ZFP36: variants seen among roughly 807,000 people sequenced by gnomAD.
ZFP36 encodes the protein mRNA decay activator protein ZFP36.
In ZFP36, 13 loss-of-function variants were observed where a neutral mutation model predicts 19.8. That is an observed-to-expected ratio of 0.66 (90% CI 0.43 to 1.04). The LOEUF is 1.04. ZFP36 is among the 50% of genes least tolerant of loss of function. ZFP36 has a pLI of 0.00. For missense variants in ZFP36, 354 were observed against 441.6 expected, an observed-to-expected ratio of 0.80 and a Z score of 1.78; for synonymous variants, 191 against 194.5, an observed-to-expected ratio of 0.98 and a Z score of 0.15.
Position 39,407,112 on chromosome 19 carries a change from GA to G in ZFP36, c.24+188del. 1 of 635,046 alleles carries G rather than the reference GA, an allele frequency of 1.6e-6. No individual in the cohort carries two copies. Among genetic ancestry groups the G allele is most frequent in the Middle Eastern group, 3.7e-4 (1 of 2,682 alleles). 39.3% of individuals were successfully genotyped at this position (635,046 alleles called of 1,614,324 possible). ...CAGACCAGCTTGGTGATTTGGAGGT[GA>G]AAATGGAACCCGCGACACCCGGCTC... On this transcript the variant is annotated intron_variant, in intron 1 of 1. Coordinates refer to ENST00000597629, the MANE Select transcript of ZFP36 (RefSeq NM_003407.5). The surrounding 1 kb of genome is among the most constrained non-coding windows in gnomAD (Gnocchi z 7.6).
rs1330171117 is a variant in ZFP36, at chr19:39,408,101, A to G, written c.383A>G (p.His128Arg). ...CRYGAKCQFA[H>R]GLGELRQANR... ...TACGGGGCCAAGTGCCAGTTTGCCCATGGCCTGGGCGAGCTGCGCCAGGCC... is the reference window on the plus strand; with the variant it reads ...TACGGGGCCAAGTGCCAGTTTGCCCGTGGCCTGGGCGAGCTGCGCCAGGCC... Residue 128 changes from histidine (H) to arginine (R), a missense_variant, in exon 2 of 2, where the codon CAT (histidine) becomes CGT (arginine). Coordinates refer to ENST00000597629, the MANE Select transcript of ZFP36 (RefSeq NM_003407.5). This position sits in a 1 kb window ranked among gnomAD's most constrained non-coding sequence, Gnocchi z 6.0. 1 of 1,613,946 alleles carries G rather than the reference A, an allele frequency of 6.2e-7. No individual in the cohort carries two copies. Among genetic ancestry groups the G allele is most frequent in the Non-Finnish European group, 8.5e-7 (1 of 1,180,028 alleles).
Position 39,407,900 on chromosome 19 carries a change from T to G in ZFP36, c.182T>G (p.Leu61Arg). 1 of 1,602,776 alleles carries G rather than the reference T, an allele frequency of 6.2e-7. No homozygotes were observed. Among genetic ancestry groups the G allele is most frequent in the African/African-American group, 1.3e-5 (1 of 75,000 alleles). ...TSRLPGRSTS[L>R]VEGRSCGWVP... ...CGCCTGCCTGGCCGCTCCACCAGCC[T>G]AGTGGAGGGCCGCAGCTGTGGCTGG... Residue 61 changes from leucine (L) to arginine (R), a missense_variant, in exon 2 of 2, where the codon CTA becomes CGA. Physicochemically the swap from Leu to Arg is moderately radical, Grantham distance 102. Transcript: ENST00000597629. The surrounding 1 kb of genome is among the most constrained non-coding windows in gnomAD (Gnocchi z 7.6).
At position 39,408,515 on chromosome 19, in the gene ZFP36, G is replaced by A. The variant is rs758546408; in HGVS notation, c.797G>A (p.Gly266Asp). 1 of 1,604,558 alleles carries A rather than the reference G, an allele frequency of 6.2e-7. No individual in the cohort carries two copies. Among genetic ancestry groups the A allele is most frequent in the East Asian group, 2.2e-5 (1 of 44,794 alleles). ...ATPISVWGPL[G>D]GLVRTPSVQS... Reference sequence around the variant, plus strand: ...CCTATCAGCGTCTGGGGGCCCTTGGGTGGCCTGGTTCGGACCCCCTCTGTA... The same window carrying A: ...CCTATCAGCGTCTGGGGGCCCTTGGATGGCCTGGTTCGGACCCCCTCTGTA... Residue 266 changes from glycine (G) to aspartate (D), a missense_variant, in exon 2 of 2, where the codon GGT (glycine) becomes GAT (aspartate). By Grantham distance (94) the Gly-to-Asp change is moderately conservative. Coordinates refer to ENST00000597629, the MANE Select transcript of ZFP36 (RefSeq NM_003407.5). This position sits in a 1 kb window ranked among gnomAD's most constrained non-coding sequence, Gnocchi z 6.0.
In ZFP36 at chr19:39,407,913, C is replaced by T. The variant is rs1490715237; in HGVS notation, c.195C>T (p.Arg65=). The change falls in exon 2 of 2, where the codon CGC becomes CGT. Residue 65 remains arginine (R), a synonymous_variant. Coordinates refer to ENST00000597629, the MANE Select transcript of ZFP36 (RefSeq NM_003407.5). The surrounding 1 kb of genome is among the most constrained non-coding windows in gnomAD (Gnocchi z 7.6). ...GCTCCACCAGCCTAGTGGAGGGCCGCAGCTGTGGCTGGGTGCCCCCACCCC... is the reference window on the plus strand; with the variant it reads ...GCTCCACCAGCCTAGTGGAGGGCCGTAGCTGTGGCTGGGTGCCCCCACCCC... The part of the protein sequence containing the change: ...PGRSTSLVEG[R]SCGWVPPPPG... 1.5e-5 allele frequency: 24 copies of T among 1,599,664 alleles called. No homozygotes were observed. The highest frequency in any genetic ancestry group is 2.0e-5 in the Non-Finnish European group (24 of 1,176,796).
Position 39,407,559 on chromosome 19 carries a change from C to T in ZFP36, c.25-184C>T, listed in dbSNP as rs2078483183. Reference sequence around the variant, plus strand: ...TCCTGGGTCCCTCGGGATAAGGCCTCGGTGGTGGGTAAACTCAGAACCTCC... The same window carrying T: ...TCCTGGGTCCCTCGGGATAAGGCCTTGGTGGTGGGTAAACTCAGAACCTCC... On this transcript the variant is annotated intron_variant, in intron 1 of 1. Transcript: ENST00000597629. The surrounding 1 kb of genome is among the most constrained non-coding windows in gnomAD (Gnocchi z 7.6). The T allele has an allele frequency of 3.5e-6, 2 of 567,786 alleles. No individual in the cohort carries two copies. Among genetic ancestry groups the T allele is most frequent in the African/African-American group, 3.8e-5 (2 of 52,310 alleles). The allele number at this position is 567,786 out of a possible 1,614,324, so 35.2% of individuals were successfully genotyped here.
In ZFP36 at chr19:39,408,254, C is replaced by T; in HGVS notation, c.536C>T (p.Pro179Leu). ...SEDLAAPGHP[P>L]VLRQSISFSG... is the part of the protein sequence containing the mutation. ...GACCTGGCGGCCCCGGGCCACCCTC[C>T]TGTGCTTCGCCAGAGCATCAGCTTC... Residue 179 changes from proline (P) to leucine (L), a missense_variant, in exon 2 of 2, where the codon CCT becomes CTT. Transcript: ENST00000597629. This position sits in a 1 kb window ranked among gnomAD's most constrained non-coding sequence, Gnocchi z 6.0. 6.2e-7 allele frequency: 1 copy of T among 1,613,734 alleles called. No individual in the cohort carries two copies.
Position 39,406,887 on chromosome 19 carries a change from A to G in ZFP36, c.-18A>G, listed in dbSNP as rs773203678. On this transcript the variant is annotated 5_prime_UTR_variant, in exon 1 of 2. It removes an upstream start codon present in the reference 5' UTR. Coordinates refer to ENST00000597629, the MANE Select transcript of ZFP36 (RefSeq NM_003407.5). ...CTCCCACTCTCGGCCGACACCCCTC[A>G]TGGCCAACCGTTACACCATGGATCT... 10 of 1,602,072 alleles carry G rather than the reference A, an allele frequency of 6.2e-6. No homozygotes were observed. In the Admixed American group the frequency reaches 1.4e-4, roughly 22 times the overall value.
In ZFP36 at chr19:39,408,369, C is replaced by G; in HGVS notation, c.651C>G (p.Ser217Arg). 6.2e-7 allele frequency: 1 copy of G among 1,613,742 alleles called. No individual in the cohort carries two copies. Among genetic ancestry groups the G allele is most frequent in the Non-Finnish European group, 8.5e-7 (1 of 1,179,942 alleles). ...CCTCCAGCTCCTTCTCGCCCTCCAG[C>G]TCCCCACCACCACCTGGGGACCTTC... ...SLSSSSFSPS[S>R]SPPPPGDLPL... is the part of the protein sequence containing the mutation. Residue 217 changes from serine to arginine, a missense_variant, in exon 2 of 2, where the codon AGC (serine) becomes AGG (arginine). Transcript: ENST00000597629. The surrounding 1 kb of genome is among the most constrained non-coding windows in gnomAD (Gnocchi z 6.0).
Position 39,406,891 on chromosome 19 carries a change from C to T in ZFP36, c.-14C>T. 6.2e-7 allele frequency: 1 copy of T among 1,608,898 alleles called. No homozygotes were observed. Among genetic ancestry groups the T allele is most frequent in the Non-Finnish European group, 8.5e-7 (1 of 1,178,374 alleles). ...CACTCTCGGCCGACACCCCTCATGG[C>T]CAACCGTTACACCATGGATCTGACT... On this transcript the variant is annotated 5_prime_UTR_variant, in exon 1 of 2. Transcript: ENST00000597629.
In ZFP36 at chr19:39,407,025, C is replaced by A; in HGVS notation, c.24+97C>A. 6.7e-7 allele frequency: 1 copy of A among 1,483,956 alleles called. No homozygotes were observed. The highest frequency in any genetic ancestry group is 9.1e-7 in the Non-Finnish European group (1 of 1,097,086). 91.9% of individuals were successfully genotyped at this position (1,483,956 alleles called of 1,614,324 possible). On this transcript the variant is annotated intron_variant, in intron 1 of 1. Coordinates refer to ENST00000597629, the MANE Select transcript of ZFP36 (RefSeq NM_003407.5). The surrounding 1 kb of genome is among the most constrained non-coding windows in gnomAD (Gnocchi z 7.6). ...AAACTCCAGCCCGGGACGCTTGCCTCCCTTCTCCAACTGGGGCTCCCTAGC... is the reference window on the plus strand; with the variant it reads ...AAACTCCAGCCCGGGACGCTTGCCTACCTTCTCCAACTGGGGCTCCCTAGC...
At position 39,407,785 on chromosome 19, in the gene ZFP36, C is replaced by T. The variant is rs148610079; in HGVS notation, c.67C>T (p.His23Tyr). The part of the protein sequence containing the change: ...LSPDVPVPSD[H>Y]GGTESSPGWG... ...CCCTGACGTGCCCGTGCCATCCGAC[C>T]ATGGAGGGACTGAGTCCAGCCCAGG... Residue 23 changes from histidine (H) to tyrosine (Y), a missense_variant, in exon 2 of 2, where the codon CAT (histidine) becomes TAT (tyrosine). By Grantham distance (83) the His-to-Tyr change is moderately conservative. Coordinates refer to ENST00000597629, the MANE Select transcript of ZFP36 (RefSeq NM_003407.5). This position sits in a 1 kb window ranked among gnomAD's most constrained non-coding sequence, Gnocchi z 7.6. The T allele has an allele frequency of 3.6e-5, 56 of 1,575,670 alleles. No individual in the cohort carries two copies. In the Middle Eastern group the frequency reaches 1.2e-3, roughly 34 times the overall value.
Position 39,407,607 on chromosome 19 carries a change from GA to G in ZFP36, c.25-134del. The G allele has an allele frequency of 1.3e-6, 1 of 768,088 alleles. No homozygotes were observed. The highest frequency in any genetic ancestry group is 2.0e-6 in the Non-Finnish European group (1 of 499,530). The allele number at this position is 768,088 out of a possible 1,614,324, so 47.6% of individuals were successfully genotyped here. A position where few individuals can be genotyped will look rare whatever the true frequency, so the allele number is the denominator to read the frequency against. ...TCCAACTCTGGGTTCCTGGCATCCGGAACCCAGGGGTTTCTGCGGGCGGGTG... is the reference window on the plus strand; with the variant it reads ...TCCAACTCTGGGTTCCTGGCATCCGGACCCAGGGGTTTCTGCGGGCGGGTG... On this transcript the variant is annotated intron_variant, in intron 1 of 1. Coordinates refer to ENST00000597629, the MANE Select transcript of ZFP36 (RefSeq NM_003407.5). The surrounding 1 kb of genome is among the most constrained non-coding windows in gnomAD (Gnocchi z 7.6).
At position 39,407,455 on chromosome 19, in the gene ZFP36, C is replaced by A; in HGVS notation, c.25-288C>A. On this transcript the variant is annotated intron_variant, in intron 1 of 1. Transcript: ENST00000597629. This position sits in a 1 kb window ranked among gnomAD's most constrained non-coding sequence, Gnocchi z 7.6. ...ACGCGTGGGTCATATCCGGGGAGGA[C>A]AAGAGACCCAAAATTGGGAAACAGT... is the stretch of plus-strand genomic sequence containing the variant. 1 of 427,046 alleles carries A rather than the reference C, an allele frequency of 2.3e-6. No individual in the cohort carries two copies. The highest frequency in any genetic ancestry group is 4.1e-6 in the Non-Finnish European group (1 of 241,284). 26.5% of individuals were successfully genotyped at this position (427,046 alleles called of 1,614,324 possible). A position where few individuals can be genotyped will look rare whatever the true frequency, so the allele number is the denominator to read the frequency against.
At position 39,407,875 on chromosome 19, in the gene ZFP36, CG is replaced by C; in HGVS notation, c.158del (p.Arg53ProfsTer9). On this transcript the variant is annotated frameshift_variant, in exon 2 of 2. Coordinates refer to ENST00000597629, the MANE Select transcript of ZFP36 (RefSeq NM_003407.5). LOFTEE classifies it high-confidence loss of function. This position sits in a 1 kb window ranked among gnomAD's most constrained non-coding sequence, Gnocchi z 7.6. ...CTCCAGCCCGTCTGGGGTCACCTCC[CG>C]CCTGCCTGGCCGCTCCACCAGCCTA... ...SDSSPSGVTS[R>X]LPGRSTSLVE... is the part of the protein sequence containing the mutation. 1 of 1,604,770 alleles carries C rather than the reference CG, an allele frequency of 6.2e-7. No individual in the cohort carries two copies.
At position 39,409,023 on chromosome 19, in the gene ZFP36, C is replaced by CTGTG. The variant is rs889239185; in HGVS notation, c.*325_*328dup. On this transcript the variant is annotated 3_prime_UTR_variant, in exon 2 of 2. Transcript: ENST00000597629. The stretch of plus-strand genomic sequence containing the variant: ...AATCTGTCTCCTAGAATCTTATGTG[C>CTGTG]TGTGAATAATAGGCCTTCACTGCCC... 9.2e-6 allele frequency: 2 copies of CTGTG among 216,902 alleles called. No homozygotes were observed. The highest frequency in any genetic ancestry group is 1.8e-5 in the Non-Finnish European group (2 of 109,270). 13.4% of individuals were successfully genotyped at this position (216,902 alleles called of 1,614,324 possible). A position where few individuals can be genotyped will look rare whatever the true frequency, so the allele number is the denominator to read the frequency against.
chr19:39,408,832 C>A lies in ZFP36; in HGVS notation c.*133C>A. 2 of 896,322 alleles carry A rather than the reference C, an allele frequency of 2.2e-6. No homozygotes were observed. Among genetic ancestry groups the A allele is most frequent in the Non-Finnish European group, 3.3e-6 (2 of 609,794 alleles). 55.5% of individuals were successfully genotyped at this position (896,322 alleles called of 1,614,324 possible). ...TCAAGTAATCCCCTTTTCCAGAATG[C>A]ATTAACCCACTCCCCTGACCTCACG... On this transcript the variant is annotated 3_prime_UTR_variant, in exon 2 of 2. Transcript: ENST00000597629. This position sits in a 1 kb window ranked among gnomAD's most constrained non-coding sequence, Gnocchi z 6.0.
Position 39,408,358 on chromosome 19 carries a change from T to A in ZFP36, c.640T>A (p.Ser214Thr). The A allele has an allele frequency of 6.2e-7, 1 of 1,613,580 alleles. No individual in the cohort carries two copies. Among genetic ancestry groups the A allele is most frequent in the Non-Finnish European group, 8.5e-7 (1 of 1,179,914 alleles). Residue 214 changes from serine to threonine, a missense_variant, in exon 2 of 2, where the codon TCG becomes ACG. By Grantham distance (58) the Ser-to-Thr change is moderately conservative. Coordinates refer to ENST00000597629, the MANE Select transcript of ZFP36 (RefSeq NM_003407.5). This position sits in a 1 kb window ranked among gnomAD's most constrained non-coding sequence, Gnocchi z 6.0. ...CCCTTCCCTGTCCTCCAGCTCCTTC[T>A]CGCCCTCCAGCTCCCCACCACCACC... ...AGPSLSSSSFSPSSSPPPPGD... is the reference protein window; with the variant it reads ...AGPSLSSSSFTPSSSPPPPGD...
In ZFP36 at chr19:39,408,736, C is replaced by T. The variant is rs1335992619; in HGVS notation, c.*37C>T. ...CCCGGTCAGATCAGCTGGATCTCAGCGGGGAGCCACGTCTCTTGCACTGTG... is the reference window on the plus strand; with the variant it reads ...CCCGGTCAGATCAGCTGGATCTCAGTGGGGAGCCACGTCTCTTGCACTGTG... On this transcript the variant is annotated 3_prime_UTR_variant, in exon 2 of 2. Transcript: ENST00000597629. This position sits in a 1 kb window ranked among gnomAD's most constrained non-coding sequence, Gnocchi z 6.0. 3 of 1,518,130 alleles carry T rather than the reference C, an allele frequency of 2.0e-6. No homozygotes were observed. Among genetic ancestry groups the T allele is most frequent in the Non-Finnish European group, 2.6e-6 (3 of 1,138,442 alleles). The allele number at this position is 1,518,130 out of a possible 1,614,324, so 94.0% of individuals were successfully genotyped here.
In ZFP36 at chr19:39,407,730, C is replaced by T. The variant is rs896500825; in HGVS notation, c.25-13C>T. ...CTGCATTTTCAGGTGCCTTAACCGA[C>T]CCATTTCCGCAGAGCCTCCTGTCGC... On this transcript the variant is annotated splice_polypyrimidine_tract_variant and intron_variant, in intron 1 of 1. Coordinates refer to ENST00000597629, the MANE Select transcript of ZFP36 (RefSeq NM_003407.5). The surrounding 1 kb of genome is among the most constrained non-coding windows in gnomAD (Gnocchi z 7.6). 2.6e-6 allele frequency: 4 copies of T among 1,518,466 alleles called. No homozygotes were observed. Among genetic ancestry groups the T allele is most frequent in the Admixed American group, 4.4e-5 (2 of 45,724 alleles). 94.1% of individuals were successfully genotyped at this position (1,518,466 alleles called of 1,614,324 possible). A position where few individuals can be genotyped will look rare whatever the true frequency, so the allele number is the denominator to read the frequency against.
Sources: allele counts gnomAD v4.1 joint callset, GRCh38; gene constraint gnomAD v4.1.1; non-coding constraint Gnocchi (gnomAD v3.1); transcripts MANE v1.5; gene names NCBI Gene and HGNC (gene_info 2026-07-23, HGNC 2026-07-21).